The following EDEM1 variants were observed in gnomAD, a reference collection of about 807,000 sequenced individuals.
EDEM1 encodes ER degradation-enhancing alpha-mannosidase-like protein 1.
EDEM1 carries 67 observed loss-of-function variants against 74.4 expected under a neutral mutation model. The ratio of observed to expected loss-of-function variants is 0.90; its 90% CI spans 0.74 to 1.10. EDEM1 has a LOEUF of 1.10. Ranked by LOEUF, EDEM1 falls within the 50% of genes least tolerant of loss-of-function variation. The pLI is 0.00. For missense variants in EDEM1, 926 were observed against 851.6 expected (o/e 1.09, Z -1.09); for synonymous variants, 382 against 335.9 (o/e 1.14, Z -1.50).
chr3:5,213,535 T>C lies in EDEM1; in HGVS notation c.1884+13T>C. ...CTCCAGCTCCAACGTGAGTTGCTTT[T>C]TCCAGGGGTGATTTGCATATAGAGG... On this transcript the variant is annotated intron_variant, in intron 11 of 11. Coordinates refer to ENST00000256497, the MANE Select transcript of EDEM1 (RefSeq NM_014674.3). 1 of 1,595,712 alleles carries C rather than the reference T, an allele frequency of 6.3e-7. No individual in the cohort carries two copies. Among genetic ancestry groups the C allele is most frequent in the Non-Finnish European group, 8.5e-7 (1 of 1,170,070 alleles).
At position 5,188,259 on chromosome 3, in the gene EDEM1, C is replaced by A. The variant is rs778114968; in HGVS notation, c.454C>A (p.Gln152Lys). The change falls in exon 1 of 12, where the codon CAG (glutamine) becomes AAG (lysine). Residue 152 changes from glutamine to lysine, a missense_variant. By Grantham distance (53) the Gln-to-Lys change is moderately conservative. Transcript: ENST00000256497. ...YDNYMAHAFP[Q>K]DELNPIHCRG... ...CAACTACATGGCTCACGCCTTCCCC[C>A]AGGACGAGCTCAACCCCATCCACTG... The A allele has an allele frequency of 1.3e-6, 2 of 1,576,792 alleles. No homozygotes were observed. The highest frequency in any genetic ancestry group is 1.1e-5 in the South Asian group (1 of 86,994).
chr3:5,214,808 A>G (rs997322755), intron 11 of EDEM1, among the ~76,000 whole-genome samples: 5 of 152,186 alleles, frequency 3.3e-5, no homozygotes, highest in Admixed American at 2.0e-4. Context: ...ATCTGATCCC[A>G]TGATTCCAGG....
At chr3:5,204,367 CCTTTT>C (rs2055070166) in intron 5 of EDEM1, among the ~76,000 whole-genome samples, 1 of 151,178 alleles carries the variant, frequency 6.6e-6, no homozygotes, top group Non-Finnish European at 1.5e-5. Flanking sequence ...TTATCTTTTC[CCTTTT>C]CTTTTTTTTT....
In EDEM1 at chr3:5,219,949, C is replaced by T. The variant is rs1256963356; in HGVS notation, c.*4031C>T. On this transcript the variant is annotated 3_prime_UTR_variant, in exon 12 of 12. Transcript: ENST00000256497. ...ATGAGTAATTTTTATTAAAAGATTT[C>T]TTTTTTTGAGTTGTCATCTTGTTTC... 1.3e-5 allele frequency: 2 copies of T among 152,222 alleles called. No homozygotes were observed. The highest frequency in any genetic ancestry group is 2.1e-4 in the South Asian group (1 of 4,824). The allele number at this position is 152,222 out of a possible 1,614,324, so 9.4% of individuals were successfully genotyped here. A position where few individuals can be genotyped will look rare whatever the true frequency, so the allele number is the denominator to read the frequency against.
rs1287488127 is a variant in EDEM1, at chr3:5,208,263, GGTACTA to G, written c.1509+2_1509+7del. 1 of 1,605,042 alleles carries G rather than the reference GGTACTA, an allele frequency of 6.2e-7. No homozygotes were observed. The highest frequency in any genetic ancestry group is 8.5e-7 in the Non-Finnish European group (1 of 1,177,448). On this transcript the variant is annotated splice_donor_variant and splice_donor_5th_base_variant and intron_variant, in intron 8 of 11. Coordinates refer to ENST00000256497, the MANE Select transcript of EDEM1 (RefSeq NM_014674.3). LOFTEE classifies it high-confidence loss of function. ...TGGAATCCACATATCTCCTCTACCA[GGTACTA>G]GAGTTGTGTTTTTTTTTTTTTCCTT...
chr3:5,189,865 C>G (rs1446344291), intron 1 of EDEM1, among the ~76,000 whole-genome samples: 1 of 152,228 alleles, frequency 6.6e-6, no homozygotes, highest in African/African-American at 2.4e-5. Flanking sequence ...TCCCAAAGTG[C>G]TGGGATTACA....
Position 5,205,050 on chromosome 3 carries a change from C to T in EDEM1, c.1043-17C>T. On this transcript the variant is annotated splice_polypyrimidine_tract_variant and intron_variant, in intron 5 of 11. Transcript: ENST00000256497. ...ATGAGACAGCTGGGACCTCAAGTGC[C>T]TTGTTTATTTTTGCAGGCAATGTCG... 6.2e-7 allele frequency: 1 copy of T among 1,612,638 alleles called. No homozygotes were observed. The highest frequency in any genetic ancestry group is 8.5e-7 in the Non-Finnish European group (1 of 1,179,284).
chr3:5,196,414 G>A (rs777056321), intron 2 of EDEM1, among the ~76,000 whole-genome samples: 9 of 152,148 alleles, frequency 5.9e-5, no homozygotes, highest in East Asian at 3.9e-4. Flanking sequence ...CTGAGATTGC[G>A]CCACTGCACT....
At chr3:5,188,380 G>A in intron 1 of EDEM1, 66 bp downstream of exon 1, 1 of 1,347,830 alleles carries the variant, frequency 7.4e-7, no homozygotes, top group South Asian at 1.9e-5. Flanking sequence ...GCGCCGGGGT[G>A]CAGCCCTCTG....
chr3:5,211,253 T>C (rs777138869), intron 10 of EDEM1, 37 bp downstream of exon 10: 2 of 1,588,308 alleles, frequency 1.3e-6, no homozygotes, highest in Non-Finnish European at 1.7e-6. Flanking sequence ...GAATATTTAG[T>C]ATTGCTTAGA....
At chr3:5,197,407 C>A (rs2054982930) in intron 2 of EDEM1, among the ~76,000 whole-genome samples, 1 of 152,178 alleles carries the variant, frequency 6.6e-6, no homozygotes, top group African/African-American at 2.4e-5. Flanking sequence ...CCCATTCAGC[C>A]ATTTTCAAAC....
intron 1 of EDEM1, among the ~76,000 whole-genome samples, chr3:5,190,783 C>T (rs1307325213): frequency 6.6e-6 from 1 of 152,182 alleles, no homozygotes; most frequent in Non-Finnish European, 1.5e-5. Context: ...GCATGGACGC[C>T]TCACACTTGC....
chr3:5,215,954 T>C lies in EDEM1; in HGVS notation c.*36T>C. On this transcript the variant is annotated 3_prime_UTR_variant, in exon 12 of 12. Transcript: ENST00000256497. ...GTGAGGCCTCATCTTGAACCAGACC[T>C]TAACGACCAAACCCAGACCATGCCA... is the stretch of plus-strand genomic sequence containing the variant. The C allele has an allele frequency of 6.3e-7, 1 of 1,577,952 alleles. No homozygotes were observed. Among genetic ancestry groups the C allele is most frequent in the Non-Finnish European group, 8.7e-7 (1 of 1,152,732 alleles).
intron 3 of EDEM1, among the ~76,000 whole-genome samples, chr3:5,200,314 TTTC>T (rs1346995849): frequency 6.6e-6 from 1 of 152,218 alleles, no homozygotes; most frequent in Non-Finnish European, 1.5e-5. Context: ...CTGATTTCAT[TTTC>T]TTCTTTCACC....
chr3:5,188,441 TC>T, intron 1 of EDEM1, 127 bp downstream of exon 1: 1 of 1,098,434 alleles, frequency 9.1e-7, no homozygotes. Flanking sequence ...CGGGCAGCGC[TC>T]CCGCGCCCTG....
At chr3:5,195,348 T>TGCTGGAGGGAA in intron 2 of EDEM1, 67 bp downstream of exon 2, 1 of 962,096 alleles carries the variant, frequency 1.0e-6, no homozygotes, top group Non-Finnish European at 1.5e-6. Flanking sequence ...CCTAGTTCCC[T>TGCTGGAGGGAA]CCAGCAGTGG....
intron 2 of EDEM1, among the ~76,000 whole-genome samples, chr3:5,197,018 T>C (rs1460355400): frequency 6.7e-6 from 1 of 149,504 alleles, no homozygotes; most frequent in Admixed American, 6.7e-5. Context: ...AACCTTCAGC[T>C]CCTGGGTTCG....
chr3:5,197,442 C>G (rs1337315550), intron 2 of EDEM1, among the ~76,000 whole-genome samples: 2 of 152,174 alleles, frequency 1.3e-5, no homozygotes, highest in East Asian at 3.8e-4. Context: ...AGAACATAGT[C>G]ACTCAGGATT....
At chr3:5,213,589 G>T in intron 11 of EDEM1, 67 bp downstream of exon 11, 1 of 1,448,218 alleles carries the variant, frequency 6.9e-7, no homozygotes, top group Non-Finnish European at 9.3e-7. Context: ...TTGCTTAGTT[G>T]TTCAGACTTC....
Sources: gnomAD v4.1 joint callset for allele counts (sites outside exome capture counted in the v4.1 genomes callset) on GRCh38, gnomAD v4.1.1 for gene constraint, MANE v1.5 for transcripts, NCBI Gene and HGNC (gene_info 2026-07-23, HGNC 2026-07-21) for gene names.